Variants in HTR7 observed in about 807,000 individuals in gnomAD.
HTR7 encodes 5-hydroxytryptamine receptor 7.
Under a neutral mutation model 34.0 loss-of-function variants are expected in HTR7, and 16 were observed. That is an observed-to-expected ratio of 0.47 (90% CI 0.32 to 0.71). HTR7 has a LOEUF of 0.71. Ranked by LOEUF, HTR7 falls within the 30% of genes least tolerant of loss-of-function variation. The probability of loss-of-function intolerance (pLI) is 0.04; values close to 1 mark genes in which losing one functional copy is unlikely to be tolerated. For synonymous variants in HTR7, 265 were observed against 260.2 expected (o/e 1.02, Z -0.18); for missense variants, 504 against 625.5 (o/e 0.81, Z 2.07).
At chr10:90,772,419 T>C (rs2119821098) in intron 1 of HTR7, among the ~76,000 whole-genome samples, 1 of 152,240 alleles carries the variant, frequency 6.6e-6, no homozygotes, top group East Asian at 1.9e-4. Flanking sequence ...AGAGTGGAGA[T>C]TTTTCTTCTC....
intron 1 of HTR7, among the ~76,000 whole-genome samples, chr10:90,836,592 C>T (rs1846256324): frequency 6.6e-6 from 1 of 152,096 alleles, no homozygotes; most frequent in African/African-American, 2.4e-5. Context: ...CTCACTGTAG[C>T]CTCGACCTCT....
chr10:90,824,505 AG>A (rs1383965831), intron 1 of HTR7, among the ~76,000 whole-genome samples: 1 of 152,208 alleles, frequency 6.6e-6, no homozygotes, highest in South Asian at 2.1e-4. Context: ...AAAAGAGTAA[AG>A]GGGACTTAGT....
chr10:90,824,463 A>T (rs921841422), intron 1 of HTR7, among the ~76,000 whole-genome samples: 1 of 152,192 alleles, frequency 6.6e-6, no homozygotes, highest in Admixed American at 6.5e-5. Context: ...GTGGTAGCCA[A>T]GGGGAGGGAT....
At chr10:90,807,496 C>T (rs189803388) in intron 1 of HTR7, among the ~76,000 whole-genome samples, 112 of 152,284 alleles carry the variant, frequency 7.4e-4, no homozygotes, top group African/African-American at 2.6e-3. Context: ...CTTTTCCTGG[C>T]TCATCCTGGC....
At chr10:90,855,204 C>G (rs1178855248) in intron 1 of HTR7, among the ~76,000 whole-genome samples, 3 of 152,168 alleles carry the variant, frequency 2.0e-5, no homozygotes, top group African/African-American at 7.2e-5. Context: ...TTGTGACAAT[C>G]ATAAGAATAC....
Position 90,771,407 on chromosome 10 carries a change from C to T in HTR7, c.540-21813G>A, listed in dbSNP as rs545635146. Among the ~76,000 whole-genome samples, 329 of 152,348 alleles carry T rather than the reference C, an allele frequency of 2.2e-3. 1 individual carries two copies. The highest frequency in any genetic ancestry group is 0.014 in the Middle Eastern group (4 of 294). On this transcript the variant is annotated intron_variant, in intron 1 of 3. Transcript: ENST00000336152. Reference sequence around the variant, plus strand: ...AGGGCTGAAACATACCCACTGCTCACCAGGTTGCAGGCAAAGAGAAGGAGA... The same window carrying T: ...AGGGCTGAAACATACCCACTGCTCATCAGGTTGCAGGCAAAGAGAAGGAGA...
chr10:90,809,433 G>A (rs193146091), intron 1 of HTR7, among the ~76,000 whole-genome samples: 23 of 152,204 alleles, frequency 1.5e-4, no homozygotes, highest in Non-Finnish European at 2.1e-4. Context: ...ACATCAAAAG[G>A]CTGTCTTATT....
rs1296493079 is a variant in HTR7 at position 90,742,198 on chromosome 10, C to T, written c.*284G>A. ...ATGGATTTGGACATATGCAAAGCACCAGAAACTGCTTCCTTTCTGGAACTC... is the reference window on the plus strand; with the variant it reads ...ATGGATTTGGACATATGCAAAGCACTAGAAACTGCTTCCTTTCTGGAACTC... On this transcript the variant is annotated 3_prime_UTR_variant, in exon 4 of 4. Coordinates refer to ENST00000336152, the MANE Select transcript of HTR7 (RefSeq NM_019859.4). 3.8e-6 allele frequency: 1 copy of T among 262,606 alleles called. No individual in the cohort carries two copies. Among genetic ancestry groups the T allele is most frequent in the Non-Finnish European group, 7.2e-6 (1 of 138,470 alleles). 16.3% of individuals were successfully genotyped at this position (262,606 alleles called of 1,614,324 possible).
intron 1 of HTR7, among the ~76,000 whole-genome samples, chr10:90,836,980 C>T (rs1261694749): frequency 3.3e-5 from 5 of 152,226 alleles, no homozygotes; most frequent in Admixed American, 1.3e-4. Flanking sequence ...ACTACAACAG[C>T]TTTCTATGCC....
At chr10:90,807,505 G>A (rs1288014835) in intron 1 of HTR7, among the ~76,000 whole-genome samples, 2 of 152,056 alleles carry the variant, frequency 1.3e-5, no homozygotes, top group Non-Finnish European at 1.5e-5. Flanking sequence ...GCTCATCCTG[G>A]CTCAAAAACC....
chr10:90,761,632 G>A (rs1301083280), intron 1 of HTR7, among the ~76,000 whole-genome samples: 1 of 101,630 alleles, frequency 9.8e-6, no homozygotes, highest in Non-Finnish European at 1.9e-5. Flanking sequence ...TTGTGTGTAT[G>A]CGTGTGTGTG....
chr10:90,780,560 A>G (rs1481113934), intron 1 of HTR7, among the ~76,000 whole-genome samples: 1 of 151,648 alleles, frequency 6.6e-6, no homozygotes, highest in East Asian at 1.9e-4. Flanking sequence ...AAAAAATTCA[A>G]GAATGAAGCA....
At chr10:90,823,701 C>G (rs1459391330) in intron 1 of HTR7, among the ~76,000 whole-genome samples, 1 of 152,078 alleles carries the variant, frequency 6.6e-6, no homozygotes, top group Non-Finnish European at 1.5e-5. Context: ...GTGTCCCCAC[C>G]CAAATCTCAT....
intron 1 of HTR7, among the ~76,000 whole-genome samples, chr10:90,821,050 A>G (rs12261011): frequency 0.16 from 24,829 of 151,980 alleles, 2,035 homozygotes; most frequent in African/African-American, 0.18. Flanking sequence ...AAATGGATGA[A>G]TACAAGCTTC....
At chr10:90,808,159 C>T (rs1845732769) in intron 1 of HTR7, among the ~76,000 whole-genome samples, 1 of 152,214 alleles carries the variant, frequency 6.6e-6, no homozygotes, top group Non-Finnish European at 1.5e-5. Flanking sequence ...GGGACGCCTG[C>T]CTTGGTCCTT....
At chr10:90,766,506 G>T (rs1017499338) in intron 1 of HTR7, among the ~76,000 whole-genome samples, 1 of 152,110 alleles carries the variant, frequency 6.6e-6, no homozygotes, top group East Asian at 1.9e-4. Context: ...TGTGTGTGGA[G>T]AATTTAATCC....
chr10:90,850,859 G>A (rs955344126), intron 1 of HTR7, among the ~76,000 whole-genome samples: 6 of 152,044 alleles, frequency 3.9e-5, no homozygotes, highest in Non-Finnish European at 8.8e-5. Context: ...ACATAAAATG[G>A]AAAATATAGA....
intron 1 of HTR7, among the ~76,000 whole-genome samples, chr10:90,850,066 C>T (rs143400954): frequency 5.1e-4 from 77 of 152,356 alleles, no homozygotes; most frequent in African/African-American, 1.9e-3. Context: ...ACCAGAAGAG[C>T]ACTTGGCAGT....
At chr10:90,812,319 A>G (rs1845825119) in intron 1 of HTR7, among the ~76,000 whole-genome samples, 1 of 152,052 alleles carries the variant, frequency 6.6e-6, no homozygotes, top group African/African-American at 2.4e-5. Context: ...TCTTGTTTAC[A>G]CTGCCGGTTT....
Sources: allele counts gnomAD v4.1 joint callset (sites outside exome capture counted in the v4.1 genomes callset), GRCh38; gene constraint gnomAD v4.1.1; transcripts MANE v1.5; gene names NCBI Gene and HGNC (gene_info 2026-07-23, HGNC 2026-07-21).